CSMD1: variants seen among roughly 807,000 people sequenced by gnomAD.
CSMD1 encodes the protein CUB and sushi domain-containing protein 1.
CSMD1 carries 213 observed loss-of-function variants against 417.5 expected under a neutral mutation model. That is an observed-to-expected ratio of 0.51 (90% CI 0.46 to 0.57). The LOEUF (loss-of-function observed/expected upper bound fraction) is 0.57, where lower values mean the gene tolerates loss of function less well. Ranked by LOEUF, CSMD1 falls within the 20% of genes least tolerant of loss-of-function variation. The pLI is 0.00. For missense variants in CSMD1, 6,923 were observed against 4,529.7 expected, an observed-to-expected ratio of 1.53 and a Z score of -15.17; for synonymous variants, 2,862 against 1,736.8, an observed-to-expected ratio of 1.65 and a Z score of -16.11.
intron 5 of CSMD1, among the ~76,000 whole-genome samples, chr8:3,768,776 C>A (rs766128219): frequency 6.6e-6 from 1 of 152,236 alleles, no homozygotes; most frequent in African/African-American, 2.4e-5. Flanking sequence ...TCTCAGAAAT[C>A]GTAAGGCTTG....
chr8:4,160,743 A>C (rs879391711), intron 3 of CSMD1, among the ~76,000 whole-genome samples: 1 of 152,238 alleles, frequency 6.6e-6, no homozygotes, highest in Non-Finnish European at 1.5e-5. Context: ...CTATAAGGTG[A>C]TACTACATTT....
At chr8:4,198,709 G>A (rs927492897) in intron 3 of CSMD1, among the ~76,000 whole-genome samples, 12 of 152,064 alleles carry the variant, frequency 7.9e-5, no homozygotes, top group African/African-American at 2.9e-4. Flanking sequence ...GATACTAAGT[G>A]TATTTTAATA....
chr8:4,451,253 C>A (rs1284679682), intron 2 of CSMD1, among the ~76,000 whole-genome samples: 1 of 152,078 alleles, frequency 6.6e-6, no homozygotes, highest in African/African-American at 2.4e-5. Context: ...ATGGCTTGAG[C>A]CCAGGAGGTC....
intron 5 of CSMD1, among the ~76,000 whole-genome samples, chr8:3,985,848 G>A (rs1363200988): frequency 6.6e-6 from 1 of 151,450 alleles, no homozygotes; most frequent in South Asian, 2.1e-4. Context: ...CTGTACCCTA[G>A]GTCTGTCTGA....
chr8:3,409,110 G>A (rs886779305), intron 13 of CSMD1, among the ~76,000 whole-genome samples: 4 of 152,200 alleles, frequency 2.6e-5, no homozygotes, highest in South Asian at 2.1e-4. Flanking sequence ...TTGCTGTACT[G>A]ATGTCTGATA....
chr8:4,127,425 G>T (rs1184334225), intron 3 of CSMD1, among the ~76,000 whole-genome samples: 4 of 113,688 alleles, frequency 3.5e-5, no homozygotes, highest in African/African-American at 1.4e-4. Flanking sequence ...CACCTTTTCT[G>T]AAAGGACACA....
intron 1 of CSMD1, among the ~76,000 whole-genome samples, chr8:4,958,759 CCT>C (rs143259557): frequency 0.037 from 5,677 of 152,142 alleles, 318 homozygotes; most frequent in African/African-American, 0.13. Context: ...GTAATTTCCC[CCT>C]GTTTCAAACT....
intron 23 of CSMD1, among the ~76,000 whole-genome samples, chr8:3,322,653 G>C (rs1371766169): frequency 2.6e-5 from 4 of 152,130 alleles, no homozygotes. Context: ...CTGGTCACCT[G>C]GCCTCCAGGT....
intron 1 of CSMD1, among the ~76,000 whole-genome samples, chr8:4,880,154 T>A (rs994382240): frequency 6.6e-6 from 1 of 152,016 alleles, no homozygotes; most frequent in Non-Finnish European, 1.5e-5. Flanking sequence ...TTGTGATATG[T>A]TTCCCAGACA....
intron 2 of CSMD1, among the ~76,000 whole-genome samples, chr8:4,578,618 C>A (rs1430405863): frequency 8.6e-5 from 13 of 151,090 alleles, no homozygotes; most frequent in African/African-American, 2.9e-4. Context: ...AGTTCAAGAT[C>A]AGCCTGGCCA....
chr8:4,068,655 T>A (rs1247082257), intron 3 of CSMD1, among the ~76,000 whole-genome samples: 2 of 151,700 alleles, frequency 1.3e-5, no homozygotes, highest in Non-Finnish European at 2.9e-5. Context: ...GAGTTTAAGA[T>A]AAAAAAAATG....
chr8:4,898,642 A>T (rs925724253), intron 1 of CSMD1, among the ~76,000 whole-genome samples: 8 of 152,304 alleles, frequency 5.3e-5, no homozygotes, highest in African/African-American at 1.4e-4. Flanking sequence ...TTTATGAAAA[A>T]TTTTTATGAA....
At chr8:4,161,288 G>A (rs1004467312) in intron 3 of CSMD1, among the ~76,000 whole-genome samples, 1 of 152,160 alleles carries the variant, frequency 6.6e-6, no homozygotes, top group African/African-American at 2.4e-5. Flanking sequence ...TAACTCACCA[G>A]CTACACATAA....
chr8:4,104,480 C>G (rs1485478318), intron 3 of CSMD1, among the ~76,000 whole-genome samples: 1 of 152,188 alleles, frequency 6.6e-6, no homozygotes, highest in African/African-American at 2.4e-5. Context: ...GTATTTGACT[C>G]TATTGAATTT....
intron 5 of CSMD1, among the ~76,000 whole-genome samples, chr8:3,790,658 T>A (rs1799684835): frequency 6.6e-6 from 1 of 152,198 alleles, no homozygotes; most frequent in Non-Finnish European, 1.5e-5. Context: ...GCTGGGATTT[T>A]GTTGTTGTTG....
At chr8:4,243,272 T>C (rs1257545628) in intron 3 of CSMD1, among the ~76,000 whole-genome samples, 2 of 152,176 alleles carry the variant, frequency 1.3e-5, no homozygotes, top group Non-Finnish European at 2.9e-5. Flanking sequence ...TTACCTAGTC[T>C]CATGAACTAG....
At chr8:3,129,014 C>G (rs1411844712) in intron 41 of CSMD1, 1 of 343,816 alleles carries the variant, frequency 2.9e-6, no homozygotes, top group Non-Finnish European at 5.7e-6. Flanking sequence ...AAAACACTTG[C>G]TTAGCCAACC....
chr8:4,252,775 A>G (rs1482976211), intron 3 of CSMD1, among the ~76,000 whole-genome samples: 2 of 152,186 alleles, frequency 1.3e-5, no homozygotes, highest in African/African-American at 4.8e-5. Flanking sequence ...GACATACACC[A>G]CTGACATTTA....
At chr8:3,150,224 A>T (rs890947492) in intron 40 of CSMD1, among the ~76,000 whole-genome samples, 4 of 152,188 alleles carry the variant, frequency 2.6e-5, no homozygotes, top group Non-Finnish European at 5.9e-5. Context: ...AGGGGCTCCT[A>T]TAATAATCCT....
Sources: allele counts gnomAD v4.1 joint callset (sites outside exome capture counted in the v4.1 genomes callset), GRCh38; gene constraint gnomAD v4.1.1; transcripts MANE v1.5; gene names NCBI Gene and HGNC (gene_info 2026-07-23, HGNC 2026-07-21).